ZFC3H1: variants seen among roughly 807,000 people sequenced by gnomAD.
ZFC3H1 encodes zinc finger C3H1 domain-containing protein.
In ZFC3H1, 71 loss-of-function variants were observed where a neutral mutation model predicts 243.7. The ratio of observed to expected loss-of-function variants is 0.29; its 90% CI spans 0.24 to 0.36. ZFC3H1 has a LOEUF of 0.36. ZFC3H1 is among the 10% of genes least tolerant of loss of function. The pLI is 1.00. For missense variants in ZFC3H1, 1,966 were observed against 2,317.1 expected (o/e 0.85, Z 3.11); for synonymous variants, 838 against 813.0 (o/e 1.03, Z -0.52).
At chr12:71,615,099 T>C in intron 28 of ZFC3H1, 107 bp downstream of exon 28, 2 of 1,156,188 alleles carry the variant, frequency 1.7e-6, no homozygotes, top group Non-Finnish European at 2.5e-6. Flanking sequence ...TCAATTGTGC[T>C]TCAATGACTT....
rs1879853103 is a variant in ZFC3H1, at chr12:71,614,715, AT to A, written c.5361-16del. 1.3e-6 allele frequency: 2 copies of A among 1,599,542 alleles called. No homozygotes were observed. Among genetic ancestry groups the A allele is most frequent in the South Asian group, 2.3e-5 (2 of 88,394 alleles). On this transcript the variant is annotated splice_polypyrimidine_tract_variant and intron_variant, in intron 29 of 34. Transcript: ENST00000378743. ...AGACAAGATAACTGCCAAAAGAAAA[AT>A]ATTATAATTTAGAATAACTAAGACA... is the stretch of plus-strand genomic sequence containing the variant.
chr12:71,629,887 TACC>T (rs1244255382), intron 18 of ZFC3H1, among the ~76,000 whole-genome samples, 177 bp from the exon 19 acceptor site: 1 of 151,480 alleles, frequency 6.6e-6, no homozygotes, highest in African/African-American at 2.4e-5. Flanking sequence ...TGGCAAATCC[TACC>T]ACATCATATA....
At chr12:71,654,608 T>C (rs1880970988) in intron 2 of ZFC3H1, among the ~76,000 whole-genome samples, 1 of 151,468 alleles carries the variant, frequency 6.6e-6, no homozygotes, top group Admixed American at 6.6e-5. Flanking sequence ...GGTAGGAATA[T>C]AAGACCAGAA....
chr12:71,618,177 A>T lies in ZFC3H1; in HGVS notation c.5144+1138T>A, dbSNP rs181618971. 3.9e-3 allele frequency among the ~76,000 whole-genome samples: 593 copies of T among 152,088 alleles called. 2 individuals carry two copies. Among genetic ancestry groups the T allele is most frequent in the Non-Finnish European group, 5.8e-3 (393 of 67,962 alleles). Reference sequence around the variant, plus strand: ...CTACTCAGGAGGCTGAGGCAGGAGAATTGCTTGAACCTGGGAGACGGAGGT... The same window carrying T: ...CTACTCAGGAGGCTGAGGCAGGAGATTTGCTTGAACCTGGGAGACGGAGGT... On this transcript the variant is annotated intron_variant, in intron 27 of 34. Transcript: ENST00000378743.
rs1053881735 is a variant in ZFC3H1 at position 71,663,821 on chromosome 12, C to T, written c.-211G>A. 12 of 597,996 alleles carry T rather than the reference C, an allele frequency of 2.0e-5. No homozygotes were observed. Among genetic ancestry groups the T allele is most frequent in the Admixed American group, 1.8e-4 (6 of 32,616 alleles). 37.0% of individuals were successfully genotyped at this position (597,996 alleles called of 1,614,324 possible). A position where few individuals can be genotyped will look rare whatever the true frequency, so the allele number is the denominator to read the frequency against. On this transcript the variant is annotated 5_prime_UTR_variant, in exon 1 of 35. Transcript: ENST00000378743. ...GCAACCCAGTTCCCTTTCCTAGCGCCCCCTTGCTCCTCAGCGATCGGGGTT... is the reference window on the plus strand; with the variant it reads ...GCAACCCAGTTCCCTTTCCTAGCGCTCCCTTGCTCCTCAGCGATCGGGGTT...
At chr12:71,611,660 G>GAAAA (rs35052856) in intron 32 of ZFC3H1, 126 bp downstream of exon 32, 6 of 107,504 alleles carry the variant, frequency 5.6e-5, no homozygotes, top group East Asian at 2.5e-4. Context: ...ATCTGTCCAG[G>GAAAA]AAAAAAAAAA....
intron 9 of ZFC3H1, among the ~76,000 whole-genome samples, chr12:71,635,856 ACT>A (rs1394209678): frequency 6.6e-6 from 1 of 152,036 alleles, no homozygotes; most frequent in African/African-American, 2.4e-5. Context: ...ATTTAAATTA[ACT>A]CTTTTAAAAC....
intron 2 of ZFC3H1, among the ~76,000 whole-genome samples, chr12:71,652,717 T>C (rs928625056): frequency 2.0e-5 from 3 of 152,230 alleles, no homozygotes; most frequent in Non-Finnish European, 4.4e-5. Context: ...CTCTGTGTTA[T>C]ACTTCTCAAA....
At position 71,663,826 on chromosome 12, in the gene ZFC3H1, T is replaced by C; in HGVS notation, c.-216A>G. On this transcript the variant is annotated 5_prime_UTR_variant, in exon 1 of 35. Coordinates refer to ENST00000378743, the MANE Select transcript of ZFC3H1 (RefSeq NM_144982.5). ...CCAGTTCCCTTTCCTAGCGCCCCCT[T>C]GCTCCTCAGCGATCGGGGTTCTTCC... is the stretch of plus-strand genomic sequence containing the variant. 1.7e-6 allele frequency: 1 copy of C among 588,368 alleles called. No individual in the cohort carries two copies. 36.4% of individuals were successfully genotyped at this position (588,368 alleles called of 1,614,324 possible).
intron 2 of ZFC3H1, among the ~76,000 whole-genome samples, chr12:71,653,630 A>C (rs1471916535): frequency 6.6e-6 from 1 of 152,260 alleles, no homozygotes; most frequent in East Asian, 1.9e-4. Flanking sequence ...AAACAACCAA[A>C]GAAAAAAGAT....
chr12:71,623,344 T>C lies in ZFC3H1; in HGVS notation c.4744+16A>G. 1.9e-6 allele frequency: 3 copies of C among 1,571,152 alleles called. No homozygotes were observed. The highest frequency in any genetic ancestry group is 2.6e-6 in the Non-Finnish European group (3 of 1,158,762). On this transcript the variant is annotated intron_variant, in intron 24 of 34. Transcript: ENST00000378743. ...TTATAACAGTTGATATTACAATTTA[T>C]AAACTTTATACTTACCTTCAAAAAC...
chr12:71,624,439 T>C, intron 22 of ZFC3H1, 147 bp from the exon 23 acceptor site: 1 of 828,742 alleles, frequency 1.2e-6, no homozygotes, highest in Non-Finnish European at 1.8e-6. Context: ...AACTCCATCT[T>C]CTAGTACTAC....
intron 1 of ZFC3H1, among the ~76,000 whole-genome samples, chr12:71,660,849 C>T (rs1244014095): frequency 6.6e-6 from 1 of 151,932 alleles, no homozygotes; most frequent in Non-Finnish European, 1.5e-5. Flanking sequence ...TGGTGGCTCT[C>T]GCCTATAAAT....
At position 71,657,369 on chromosome 12, in the gene ZFC3H1, G is replaced by C. The variant is rs537005632; in HGVS notation, c.599-68C>G. 2.4e-5 allele frequency: 27 copies of C among 1,115,694 alleles called. No individual in the cohort carries two copies. In the East Asian group the frequency reaches 6.4e-4, roughly 26 times the overall value. 69.1% of individuals were successfully genotyped at this position (1,115,694 alleles called of 1,614,324 possible). A position where few individuals can be genotyped will look rare whatever the true frequency, so the allele number is the denominator to read the frequency against. ...CAGTTAAATTTAACAAAAAAACTTA[G>C]ATTATAGATGAATTTTCTCCCTTTT... On this transcript the variant is annotated intron_variant, in intron 1 of 34. Transcript: ENST00000378743.
Position 71,657,000 on chromosome 12 carries a change from T to C in ZFC3H1, c.900A>G (p.Glu300=), listed in dbSNP as rs1881037093. The C allele has an allele frequency of 2.5e-6, 4 of 1,613,812 alleles. No homozygotes were observed. The highest frequency in any genetic ancestry group is 1.7e-5 in the Admixed American group (1 of 60,000). ...TCAATTTTTGCCTGAGTGGTTTTAATTCAAATGCCTGAAAAGTTTTGACTT... is the reference window on the plus strand; with the variant it reads ...TCAATTTTTGCCTGAGTGGTTTTAACTCAAATGCCTGAAAAGTTTTGACTT... ...KTQVKTFQAF[E]LKPLRQKLTL... Residue 300 remains glutamate, a synonymous_variant, in exon 2 of 35, where the codon GAA becomes GAG. Coordinates refer to ENST00000378743, the MANE Select transcript of ZFC3H1 (RefSeq NM_144982.5).
rs1188152039 is a variant in ZFC3H1 at position 71,638,461 on chromosome 12, G to A, written c.1682C>T (p.Ser561Phe). 2 of 1,612,948 alleles carry A rather than the reference G, an allele frequency of 1.2e-6. No individual in the cohort carries two copies. The highest frequency in any genetic ancestry group is 1.7e-6 in the Non-Finnish European group (2 of 1,179,632). Residue 561 changes from serine to phenylalanine, a missense_variant, in exon 7 of 35, where the codon TCT becomes TTT. Around this residue, in one of 4 missense-constraint regions of ZFC3H1, gnomAD observed 1,383 missense variants for 1,723.7 expected, o/e 0.80. Transcript: ENST00000378743. ...AGGCAAAGAAAGAGATGGTGCTGGAGAAAAATACCCCAATGAACATTCAGA... is the reference window on the plus strand; with the variant it reads ...AGGCAAAGAAAGAGATGGTGCTGGAAAAAAATACCCCAATGAACATTCAGA... ...FFSECSLGYF[S>F]PAPSLSLPPP...
Position 71,634,694 on chromosome 12 carries a change from T to C in ZFC3H1, c.2360+10A>G. 1 of 1,577,680 alleles carries C rather than the reference T, an allele frequency of 6.3e-7. No homozygotes were observed. Among genetic ancestry groups the C allele is most frequent in the Non-Finnish European group, 8.6e-7 (1 of 1,169,342 alleles). On this transcript the variant is annotated intron_variant, in intron 11 of 34. Transcript: ENST00000378743. ...TACTTTTAATGTTAATTACATAAAA[T>C]TACACTTACTTGGCAATCTCTTCCT...
intron 1 of ZFC3H1, among the ~76,000 whole-genome samples, chr12:71,658,874 C>G (rs1881090773): frequency 6.6e-6 from 1 of 152,138 alleles, no homozygotes; most frequent in African/African-American, 2.4e-5. Context: ...CCCTTCTTAC[C>G]AAATGGAATC....
intron 32 of ZFC3H1, 164 bp from the exon 33 acceptor site, chr12:71,611,261 T>C: frequency 6.8e-6 from 4 of 587,900 alleles, no homozygotes; most frequent in South Asian, 7.4e-5. Context: ...GGAAAACCTA[T>C]AGTGAAAAGA....
Sources: gnomAD v4.1 joint callset for allele counts (sites outside exome capture counted in the v4.1 genomes callset) on GRCh38, gnomAD v4.1.1 for gene constraint, gnomAD v4.1.1 regional missense constraint, MANE v1.5 for transcripts, NCBI Gene and HGNC (gene_info 2026-07-23, HGNC 2026-07-21) for gene names.